Variants in LYPD6 observed in about 807,000 individuals in gnomAD.
LYPD6 encodes LY6/PLAUR domain containing 6.
A neutral mutation model predicts 22.7 loss-of-function variants in LYPD6; 15 were observed. The ratio of observed to expected loss-of-function variants is 0.66; its 90% CI spans 0.44 to 1.02. The LOEUF (loss-of-function observed/expected upper bound fraction) is 1.02, where lower values mean the gene tolerates loss of function less well. Ranked by LOEUF, LYPD6 falls within the 50% of genes least tolerant of loss-of-function variation. The pLI, the probability that LYPD6 is intolerant of heterozygous loss-of-function variation, is 0.00. For missense variants in LYPD6, 189 were observed against 208.4 expected (o/e 0.91, Z 0.57); for synonymous variants, 72 against 77.5 (o/e 0.93, Z 0.37).
intron 1 of LYPD6, among the ~76,000 whole-genome samples, chr2:149,352,764 A>G (rs960268245): frequency 6.6e-6 from 1 of 152,148 alleles, no homozygotes; most frequent in African/African-American, 2.4e-5. Context: ...CTGGCCCTTT[A>G]TAGAAAAAGT....
In LYPD6 at chr2:149,404,834, A is replaced by C. The variant is rs1682657686; in HGVS notation, c.-71-32804A>C. 2.6e-5 allele frequency among the ~76,000 whole-genome samples: 4 copies of C among 152,272 alleles called. No homozygotes were observed. The South Asian group carries it at 8.3e-4, about 32-fold the overall frequency. On this transcript the variant is annotated intron_variant, in intron 1 of 4. Coordinates refer to ENST00000334166, the MANE Select transcript of LYPD6 (RefSeq NM_194317.5). ...GCCAGTTTTCAAAGGGAATGCTTCC[A>C]GTTTTTGCCCATTCAGTATGATATT...
intron 3 of LYPD6, among the ~76,000 whole-genome samples, chr2:149,465,437 G>T (rs1366981672): frequency 6.6e-6 from 1 of 152,114 alleles, no homozygotes; most frequent in Non-Finnish European, 1.5e-5. Context: ...AGTATAATTC[G>T]TAATATTACT....
chr2:149,428,116 A>G (rs1683224987), intron 1 of LYPD6, among the ~76,000 whole-genome samples: 1 of 152,252 alleles, frequency 6.6e-6, no homozygotes. Flanking sequence ...AAGAGAGATC[A>G]TCTCTGGCTA....
chr2:149,418,736 T>C (rs1256274362), intron 1 of LYPD6, among the ~76,000 whole-genome samples: 1 of 152,196 alleles, frequency 6.6e-6, no homozygotes, highest in Non-Finnish European at 1.5e-5. Context: ...GGTTTCAATG[T>C]TTGCTTCCTT....
intron 1 of LYPD6, among the ~76,000 whole-genome samples, chr2:149,407,138 C>T (rs528304478): frequency 2.6e-5 from 4 of 152,148 alleles, no homozygotes; most frequent in African/African-American, 4.8e-5. Flanking sequence ...GTGGTTAACC[C>T]GACCGTTCTC....
At chr2:149,485,115 A>T in the LYPD6 span, among the ~76,000 whole-genome samples, 3 of 152,156 alleles carry the variant, frequency 2.0e-5, no homozygotes. Context: ...CACAAGCCAA[A>T]AGGATTCGTA....
At chr2:149,474,578 T>C (rs1446071327), downstream of LYPD6, among the ~76,000 whole-genome samples, 2 of 152,212 alleles carry the variant, frequency 1.3e-5, no homozygotes, top group African/African-American at 4.8e-5. Context: ...ATGTTTTCTC[T>C]TGGTCTGAAT....
At chr2:149,411,854 T>A (rs1682855441) in intron 1 of LYPD6, among the ~76,000 whole-genome samples, 1 of 152,174 alleles carries the variant, frequency 6.6e-6, no homozygotes, top group African/African-American at 2.4e-5. Context: ...AGGTTAGACA[T>A]AGAGCCCACA....
At chr2:149,475,339 G>A (rs192566112), downstream of LYPD6, among the ~76,000 whole-genome samples, 191 of 152,212 alleles carry the variant, frequency 1.3e-3, no homozygotes, top group Middle Eastern at 6.8e-3. Flanking sequence ...GATTGCACAG[G>A]AACTTGGGGC....
rs1260599497 is a variant in LYPD6 at position 149,428,750 on chromosome 2, A to C, written c.-71-8888A>C. 2.6e-5 allele frequency among the ~76,000 whole-genome samples: 4 copies of C among 152,356 alleles called. No homozygotes were observed. In the East Asian group the frequency reaches 7.7e-4, roughly 29 times the overall value. ...CCGTAAGAAGGGGGAAGTATAGAGC[A>C]GAATGCATTGCGAATGCCCCCTAGA... On this transcript the variant is annotated intron_variant, in intron 1 of 4. Coordinates refer to ENST00000334166, the MANE Select transcript of LYPD6 (RefSeq NM_194317.5).
Position 149,471,104 on chromosome 2 carries a change from C to G in LYPD6, c.*254C>G. 2.9e-6 allele frequency: 1 copy of G among 349,004 alleles called. No individual in the cohort carries two copies. Among genetic ancestry groups the G allele is most frequent in the Non-Finnish European group, 5.2e-6 (1 of 190,780 alleles). The allele number at this position is 349,004 out of a possible 1,614,324, so 21.6% of individuals were successfully genotyped here. On this transcript the variant is annotated 3_prime_UTR_variant, in exon 5 of 5. Transcript: ENST00000334166. ...CATACCATAAACGTTTGTTTTCATT[C>G]CAAGAAGTAGTTCTGCATTTATCGA...
chr2:149,470,305 A>AGGCTTAC (rs1681302919), intron 4 of LYPD6, among the ~76,000 whole-genome samples: 1 of 143,810 alleles, frequency 7.0e-6, no homozygotes, highest in South Asian at 2.1e-4. Flanking sequence ...TGGCAAACGA[A>AGGCTTAC]GGCTTACCCT....
intron 1 of LYPD6, among the ~76,000 whole-genome samples, chr2:149,363,032 G>A (rs182373204): frequency 1.2e-4 from 19 of 152,282 alleles, no homozygotes; most frequent in Admixed American, 2.0e-4. Flanking sequence ...CAGCTTCAGC[G>A]GAGAAGTATG....
intron 3 of LYPD6, among the ~76,000 whole-genome samples, chr2:149,455,431 T>C (rs1470680282): frequency 6.6e-6 from 1 of 151,910 alleles, no homozygotes; most frequent in East Asian, 1.9e-4. Flanking sequence ...ACTAATTTTG[T>C]GTATTTTTAG....
At chr2:149,413,732 A>G (rs1320365724) in intron 1 of LYPD6, among the ~76,000 whole-genome samples, 1 of 152,220 alleles carries the variant, frequency 6.6e-6, no homozygotes, top group Non-Finnish European at 1.5e-5. Context: ...GGCCAGGGTC[A>G]TTAGAAAAGT....
intron 1 of LYPD6, among the ~76,000 whole-genome samples, chr2:149,427,842 A>T (rs902824963): frequency 6.6e-6 from 1 of 152,230 alleles, no homozygotes; most frequent in Non-Finnish European, 1.5e-5. Flanking sequence ...ATGATGTATG[A>T]TTGTATATTA....
At chr2:149,348,151 C>A (rs1184186588) in intron 1 of LYPD6, among the ~76,000 whole-genome samples, 1 of 150,648 alleles carries the variant, frequency 6.6e-6, no homozygotes, top group African/African-American at 2.4e-5. Context: ...TCTTTAAATA[C>A]CCAAGGGCCA....
chr2:149,477,109 T>C (rs140489378), downstream of LYPD6, among the ~76,000 whole-genome samples: 5 of 152,322 alleles, frequency 3.3e-5, no homozygotes, highest in Non-Finnish European at 7.3e-5. Flanking sequence ...GGTTTATCCC[T>C]ACCTTTAAAG....
chr2:149,387,978 A>G (rs1216630468), intron 1 of LYPD6, among the ~76,000 whole-genome samples: 1 of 152,204 alleles, frequency 6.6e-6, no homozygotes, highest in South Asian at 2.1e-4. Flanking sequence ...AAGGATTTGC[A>G]GTTGGGACTT....
Sources: allele counts gnomAD v4.1 joint callset (sites outside exome capture counted in the v4.1 genomes callset), GRCh38; gene constraint gnomAD v4.1.1; transcripts MANE v1.5; gene names NCBI Gene and HGNC (gene_info 2026-07-23, HGNC 2026-07-21).